The following FER variants were observed in gnomAD, a reference collection of about 807,000 sequenced individuals.
The protein encoded by FER is FER tyrosine kinase.
FER carries 63 observed loss-of-function variants against 111.0 expected under a neutral mutation model. The ratio of observed to expected loss-of-function variants is 0.57; its 90% CI spans 0.46 to 0.70. The LOEUF (loss-of-function observed/expected upper bound fraction) is 0.70. Among genes scored for constraint, FER ranks in the 30% least tolerant of loss-of-function variants. FER has a pLI of 0.00. For synonymous variants in FER, 327 were observed against 313.9 expected (o/e 1.04, Z -0.44); for missense variants, 914 against 954.0 (o/e 0.96, Z 0.55).
intron 10 of FER, chr5:108,924,873 G>T: frequency 9.5e-7 from 1 of 1,048,510 alleles, no homozygotes; most frequent in Non-Finnish European, 1.2e-6. Flanking sequence ...TATTTTATGC[G>T]GCTGCTTCAA....
In FER at chr5:108,917,252, C is replaced by T. The variant is rs183827389; in HGVS notation, c.1236+19404C>T. Among the ~76,000 whole-genome samples, 1,041 of 152,120 alleles carry T rather than the reference C, an allele frequency of 6.8e-3. 8 individuals are homozygous for T. The highest frequency in any genetic ancestry group is 0.024 in the African/African-American group (1,013 of 41,500). On this transcript the variant is annotated intron_variant, in intron 10 of 19. Coordinates refer to ENST00000281092, the MANE Select transcript of FER (RefSeq NM_005246.4). Reference sequence around the variant, plus strand: ...GCCTCATTTTAACTTAGTGGTTGCTCATTATAATTTTAAAATTGTGCTGAG... The same window carrying T: ...GCCTCATTTTAACTTAGTGGTTGCTTATTATAATTTTAAAATTGTGCTGAG...
At chr5:108,962,105 A>G (rs1297870057) in intron 13 of FER, among the ~76,000 whole-genome samples, 1 of 152,134 alleles carries the variant, frequency 6.6e-6, no homozygotes, top group Non-Finnish European at 1.5e-5. Context: ...TTTTATGCAC[A>G]TTCACTCAGA....
Position 109,157,966 on chromosome 5 carries a change from CCTTT to C in FER, c.2049-22778_2049-22775del, listed in dbSNP as rs1202854825. On this transcript the variant is annotated intron_variant, in intron 17 of 19. Coordinates refer to ENST00000281092, the MANE Select transcript of FER (RefSeq NM_005246.4). ...ATATTGCTATGGTATCATAGAAAAG[CCTTT>C]CTGAAAGTAACAATGCTGGAGTTAG... Among the ~76,000 whole-genome samples, 3 of 151,920 alleles carry C rather than the reference CCTTT, an allele frequency of 2.0e-5. No homozygotes were observed. In the East Asian group the frequency reaches 5.8e-4, roughly 29 times the overall value.
chr5:108,824,713 T>G (rs1207220165), intron 3 of FER, among the ~76,000 whole-genome samples: 1 of 152,186 alleles, frequency 6.6e-6, no homozygotes, highest in Non-Finnish European at 1.5e-5. Context: ...ATGTTGATTT[T>G]TTAATCCTAC....
At chr5:108,764,597 A>G (rs1752111516) in intron 1 of FER, among the ~76,000 whole-genome samples, 1 of 152,014 alleles carries the variant, frequency 6.6e-6, no homozygotes, top group Non-Finnish European at 1.5e-5. Flanking sequence ...GGGTTTCTCC[A>G]TGTTGGTCAG....
At chr5:109,043,861 C>G (rs896868629) in intron 14 of FER, among the ~76,000 whole-genome samples, 1 of 151,940 alleles carries the variant, frequency 6.6e-6, no homozygotes, top group East Asian at 1.9e-4. Flanking sequence ...GTCCCAGCTA[C>G]TCGGGAGGCT....
intron 2 of FER, among the ~76,000 whole-genome samples, chr5:108,780,184 C>T (rs975170227): frequency 7.9e-5 from 12 of 152,126 alleles, no homozygotes; most frequent in African/African-American, 2.9e-4. Flanking sequence ...ACTTATTCAT[C>T]TCCAGTACTT....
chr5:108,939,119 AGTT>A (rs1755910911), intron 10 of FER, among the ~76,000 whole-genome samples: 1 of 152,034 alleles, frequency 6.6e-6, no homozygotes, highest in South Asian at 2.1e-4. Flanking sequence ...ACTTTTGAGC[AGTT>A]GTTTTATTTG....
chr5:108,791,230 T>C (rs1755330560), intron 2 of FER, among the ~76,000 whole-genome samples: 1 of 152,224 alleles, frequency 6.6e-6, no homozygotes, highest in Admixed American at 6.5e-5. Flanking sequence ...CAAACTCTTT[T>C]CCGCAGTGGT....
At chr5:108,776,901 A>G (rs1417138477) in intron 2 of FER, among the ~76,000 whole-genome samples, 2 of 152,236 alleles carry the variant, frequency 1.3e-5, no homozygotes, top group Non-Finnish European at 2.9e-5. Context: ...ATACTTTTTA[A>G]AAGTAGATAC....
At chr5:109,055,663 T>G (rs1459515593) in intron 16 of FER, among the ~76,000 whole-genome samples, 6 of 150,580 alleles carry the variant, frequency 4.0e-5, no homozygotes, top group Non-Finnish European at 8.9e-5. Flanking sequence ...GACGTGTGCC[T>G]GTAGTCCCAG....
chr5:108,892,206 G>T (rs1360024385), intron 9 of FER, among the ~76,000 whole-genome samples: 1 of 152,142 alleles, frequency 6.6e-6, no homozygotes, highest in African/African-American at 2.4e-5. Context: ...GGGTCAAATG[G>T]TATTTCTAGT....
chr5:109,078,883 T>G (rs1776670196), intron 16 of FER, among the ~76,000 whole-genome samples: 1 of 152,154 alleles, frequency 6.6e-6, no homozygotes, highest in Non-Finnish European at 1.5e-5. Flanking sequence ...TAATTGGGTT[T>G]TAATATATAG....
rs1256126844 is a variant in FER, at chr5:108,838,306, G to C, written c.481+2499G>C. Among the ~76,000 whole-genome samples the C allele has an allele frequency of 3.3e-5, 5 of 152,104 alleles. No individual in the cohort carries two copies. In the South Asian group the frequency reaches 8.3e-4, roughly 25 times the overall value. On this transcript the variant is annotated intron_variant, in intron 5 of 19. Transcript: ENST00000281092. ...TTGGAATGGGCCCTAGAGACTGCGGGGTGCTTACAATAGCTACTCAGATAT... is the reference window on the plus strand; with the variant it reads ...TTGGAATGGGCCCTAGAGACTGCGGCGTGCTTACAATAGCTACTCAGATAT...
chr5:109,000,266 T>A (rs1764560099), intron 13 of FER, among the ~76,000 whole-genome samples: 1 of 151,946 alleles, frequency 6.6e-6, no homozygotes, highest in Non-Finnish European at 1.5e-5. Context: ...AACAGAATTT[T>A]AAAATTATTT....
At chr5:108,810,722 T>A (rs1358982329) in intron 3 of FER, among the ~76,000 whole-genome samples, 1 of 151,660 alleles carries the variant, frequency 6.6e-6, no homozygotes, top group Non-Finnish European at 1.5e-5. Context: ...TGCTTTGGTG[T>A]TGAGCAGAGA....
intron 5 of FER, among the ~76,000 whole-genome samples, chr5:108,856,332 T>A (rs1014442169): frequency 6.6e-6 from 1 of 150,380 alleles, no homozygotes; most frequent in Non-Finnish European, 1.5e-5. Context: ...AATGAAAAAG[T>A]TTTTTTTCCC....
intron 16 of FER, among the ~76,000 whole-genome samples, chr5:109,083,458 A>G (rs909495842): frequency 2.0e-5 from 3 of 152,056 alleles, no homozygotes; most frequent in African/African-American, 7.2e-5. Flanking sequence ...CTGTAATTCT[A>G]TCCATCTCAC....
At chr5:108,955,373 TTTC>T (rs1758305152) in intron 12 of FER, among the ~76,000 whole-genome samples, 1 of 151,782 alleles carries the variant, frequency 6.6e-6, no homozygotes, top group Non-Finnish European at 1.5e-5. Context: ...AATAATAAAA[TTTC>T]TTAATGAATG....
Sources: gnomAD v4.1 joint callset for allele counts (sites outside exome capture counted in the v4.1 genomes callset) on GRCh38, gnomAD v4.1.1 for gene constraint, MANE v1.5 for transcripts, NCBI Gene and HGNC (gene_info 2026-07-23, HGNC 2026-07-21) for gene names.